The following EBF2 variants were observed in gnomAD, a reference collection of about 807,000 sequenced individuals.
EBF2 encodes transcription factor COE2.
EBF2 carries 21 observed loss-of-function variants against 72.8 expected under a neutral mutation model. The ratio of observed to expected loss-of-function variants is 0.29; its 90% CI spans 0.20 to 0.42. The LOEUF (loss-of-function observed/expected upper bound fraction) is 0.42, where lower values mean the gene tolerates loss of function less well. Among genes scored for constraint, EBF2 ranks in the 10% least tolerant of loss-of-function variants. The pLI is 1.00. For missense variants in EBF2, 637 were observed against 731.2 expected, an observed-to-expected ratio of 0.87 and a Z score of 1.49; for synonymous variants, 299 against 274.2, an observed-to-expected ratio of 1.09 and a Z score of -0.89.
chr8:25,897,512 T>C (rs1171772140), intron 7 of EBF2, among the ~76,000 whole-genome samples: 3 of 152,152 alleles, frequency 2.0e-5, no homozygotes, highest in Non-Finnish European at 4.4e-5. Flanking sequence ...CCTCTCCTCC[T>C]TCCCTTTCTT....
chr8:25,972,248 C>A (rs913397171), intron 6 of EBF2, among the ~76,000 whole-genome samples: 3 of 152,154 alleles, frequency 2.0e-5, no homozygotes, highest in Admixed American at 6.5e-5. Flanking sequence ...CCTTCGTAGA[C>A]CCCGAGGGAG....
At chr8:26,008,904 T>G (rs1271078005) in intron 6 of EBF2, among the ~76,000 whole-genome samples, 1 of 150,398 alleles carries the variant, frequency 6.6e-6, no homozygotes, top group East Asian at 2.0e-4. Flanking sequence ...ATGCTATGTG[T>G]GTGTAAAATT....
chr8:25,986,729 T>C lies in EBF2; in HGVS notation c.551+46356A>G, dbSNP rs149142842. 4.6e-5 allele frequency among the ~76,000 whole-genome samples: 7 copies of C among 152,348 alleles called. No individual in the cohort carries two copies. The East Asian group carries it at 7.7e-4, about 17-fold the overall frequency. On this transcript the variant is annotated intron_variant, in intron 6 of 15. Transcript: ENST00000520164. ...GGCACAATACTCTGTGATTCATCAATGTCACTAACAATACTCTGTCAGTTG... is the reference window on the plus strand; with the variant it reads ...GGCACAATACTCTGTGATTCATCAACGTCACTAACAATACTCTGTCAGTTG...
At chr8:25,885,197 C>T (rs961557507) in intron 10 of EBF2, among the ~76,000 whole-genome samples, 8 of 140,550 alleles carry the variant, frequency 5.7e-5, no homozygotes, top group Non-Finnish European at 9.2e-5. Flanking sequence ...TCTAAACTCC[C>T]TTACCAGGCT....
At chr8:25,985,157 G>A (rs1002214442) in intron 6 of EBF2, among the ~76,000 whole-genome samples, 4 of 152,138 alleles carry the variant, frequency 2.6e-5, no homozygotes, top group Non-Finnish European at 4.4e-5. Context: ...AGCCTCCAAC[G>A]TCTCAAAGCC....
intron 6 of EBF2, among the ~76,000 whole-genome samples, chr8:25,977,737 T>TA (rs1054751137): frequency 6.6e-6 from 1 of 152,162 alleles, no homozygotes; most frequent in African/African-American, 2.4e-5. Flanking sequence ...AGTGCACATG[T>TA]ACAAATGCTA....
At chr8:25,862,567 A>T in intron 11 of EBF2, 142 bp downstream of exon 11, 1 of 460,878 alleles carries the variant, frequency 2.2e-6, no homozygotes, top group Non-Finnish European at 3.9e-6. Context: ...CATAGCAGAT[A>T]TTTTATGTGC....
rs542322702 is a variant in EBF2 at position 25,842,286 on chromosome 8, C to G, written c.*2323G>C. ...CACACATTTGTACAATTAAATAGCT[C>G]TGTTGCTGCCAGGGTTCTAGCTGAA... On this transcript the variant is annotated 3_prime_UTR_variant, in exon 16 of 16. Coordinates refer to ENST00000520164, the MANE Select transcript of EBF2 (RefSeq NM_022659.4). The G allele has an allele frequency of 6.6e-6, 1 of 152,120 alleles. No homozygotes were observed. The highest frequency in any genetic ancestry group is 2.4e-5 in the African/African-American group (1 of 41,440). 9.4% of individuals were successfully genotyped at this position (152,120 alleles called of 1,614,324 possible). A position where few individuals can be genotyped will look rare whatever the true frequency, so the allele number is the denominator to read the frequency against.
chr8:25,948,631 C>A (rs1442618629), intron 6 of EBF2, among the ~76,000 whole-genome samples: 1 of 152,196 alleles, frequency 6.6e-6, no homozygotes, highest in East Asian at 1.9e-4. Context: ...TGTTGAGGGG[C>A]CTGAGGCCCT....
rs769209351 is a variant in EBF2, at chr8:25,841,763, ATTTAAAG to A, written c.*2839_*2845del. Reference sequence around the variant, plus strand: ...AAAATTTTATTTTTTTGTTAGGATAATTTAAAGTTTAAAACTGAAGTAGACATATTCA... The same window carrying A: ...AAAATTTTATTTTTTTGTTAGGATAATTTAAAACTGAAGTAGACATATTCA... On this transcript the variant is annotated 3_prime_UTR_variant, in exon 16 of 16. Coordinates refer to ENST00000520164, the MANE Select transcript of EBF2 (RefSeq NM_022659.4). The A allele has an allele frequency of 6.6e-6, 1 of 152,196 alleles. No individual in the cohort carries two copies. Among genetic ancestry groups the A allele is most frequent in the Non-Finnish European group, 1.5e-5 (1 of 68,036 alleles). The allele number at this position is 152,196 out of a possible 1,614,324, so 9.4% of individuals were successfully genotyped here.
chr8:26,037,077 G>T (rs949481677), intron 5 of EBF2, among the ~76,000 whole-genome samples: 1 of 151,960 alleles, frequency 6.6e-6, no homozygotes, highest in Non-Finnish European at 1.5e-5. Flanking sequence ...TTTTATTCTA[G>T]TACTTATTTG....
intron 6 of EBF2, among the ~76,000 whole-genome samples, chr8:25,929,456 C>T (rs897811749): frequency 1.3e-5 from 2 of 152,326 alleles, no homozygotes; most frequent in East Asian, 3.9e-4. Flanking sequence ...AGACACTCGA[C>T]GAGGCTTTTT....
chr8:25,890,306 C>T (rs919162280), intron 7 of EBF2, among the ~76,000 whole-genome samples: 2 of 152,354 alleles, frequency 1.3e-5, no homozygotes, highest in African/African-American at 4.8e-5. Flanking sequence ...GTCCTGACAT[C>T]ATGCCCAGCA....
At chr8:26,000,234 T>C (rs1006375406) in intron 6 of EBF2, among the ~76,000 whole-genome samples, 9 of 152,128 alleles carry the variant, frequency 5.9e-5, no homozygotes, top group African/African-American at 2.2e-4. Context: ...GGGTGATGTA[T>C]ATATTTGTCA....
intron 6 of EBF2, among the ~76,000 whole-genome samples, chr8:25,976,359 T>G (rs1804267632): frequency 2.0e-5 from 3 of 152,214 alleles, no homozygotes; most frequent in Admixed American, 1.3e-4. Context: ...GCTCGACTAT[T>G]AAGCTTTCTA....
intron 6 of EBF2, among the ~76,000 whole-genome samples, chr8:25,968,607 G>T (rs756508844): frequency 2.0e-5 from 3 of 152,166 alleles, no homozygotes; most frequent in Non-Finnish European, 4.4e-5. Context: ...TGTTGCCCAG[G>T]ATGGAGTGCT....
chr8:25,889,826 G>T lies in EBF2; in HGVS notation c.677C>A (p.Ala226Asp). 6.2e-7 allele frequency: 1 copy of T among 1,614,002 alleles called. No homozygotes were observed. Among genetic ancestry groups the T allele is most frequent in the Non-Finnish European group, 8.5e-7 (1 of 1,179,944 alleles). ...ATGAACAAACATGTTGTCAGAAACA[G>T]CCAGGACGTGTCCATCCACATTCAC... ...TTVNVDGHVL[A>D]VSDNMFVHNN... Residue 226 changes from alanine to aspartate, a missense_variant, in exon 8 of 16, where the codon GCT becomes GAT. This residue lies in a region of EBF2 where 204 missense variants were observed against 301.2 expected (regional missense o/e 0.68). Transcript: ENST00000520164.
At chr8:26,026,037 G>C (rs781021963) in intron 6 of EBF2, among the ~76,000 whole-genome samples, 3 of 152,048 alleles carry the variant, frequency 2.0e-5, no homozygotes, top group African/African-American at 7.2e-5. Context: ...AAGATAGCCC[G>C]GCATAGTGGC....
intron 14 of EBF2, among the ~76,000 whole-genome samples, chr8:25,854,661 T>C (rs1349726339): frequency 6.6e-6 from 1 of 151,442 alleles, no homozygotes; most frequent in Non-Finnish European, 1.5e-5. Flanking sequence ...TTTAATAGGC[T>C]TTTTTTTTCT....
Sources: gnomAD v4.1 joint callset for allele counts (sites outside exome capture counted in the v4.1 genomes callset) on GRCh38, gnomAD v4.1.1 for gene constraint, gnomAD v4.1.1 regional missense constraint, MANE v1.5 for transcripts, NCBI Gene and HGNC (gene_info 2026-07-23, HGNC 2026-07-21) for gene names.